Variants in SDK1 observed in about 807,000 individuals in gnomAD.
SDK1 encodes the protein sidekick cell adhesion molecule 1.
A neutral mutation model predicts 245.5 loss-of-function variants in SDK1; 157 were observed. The observed-to-expected ratio is 0.64, with a 90% CI of 0.56 to 0.73. The LOEUF (loss-of-function observed/expected upper bound fraction) is 0.73. Among genes scored for constraint, SDK1 ranks in the 30% least tolerant of loss-of-function variants. The pLI, the probability that SDK1 is intolerant of heterozygous loss-of-function variation, is 0.00. For missense variants in SDK1, 3,583 were observed against 3,002.3 expected (o/e 1.19, Z -4.52); for synonymous variants, 1,647 against 1,278.5 (o/e 1.29, Z -6.15).
At chr7:4,171,581 G>T (rs546597595) in intron 32 of SDK1, among the ~76,000 whole-genome samples, 3 of 152,212 alleles carry the variant, frequency 2.0e-5, no homozygotes, top group African/African-American at 7.2e-5. Context: ...CTCCAGCCCC[G>T]TGAAGGCGGC....
At chr7:3,607,039 C>T (rs997579176) in intron 1 of SDK1, among the ~76,000 whole-genome samples, 1 of 152,132 alleles carries the variant, frequency 6.6e-6, no homozygotes. Context: ...GAAAGGGCTT[C>T]CAAGATGCAC....
chr7:4,191,205 C>T (rs1722448833), intron 35 of SDK1, among the ~76,000 whole-genome samples: 3 of 152,082 alleles, frequency 2.0e-5, no homozygotes, highest in Admixed American at 1.3e-4. Context: ...GGCCCTCCCC[C>T]GCCGCAGTCA....
chr7:3,778,473 T>G (rs1186090065), intron 4 of SDK1, among the ~76,000 whole-genome samples: 1 of 152,238 alleles, frequency 6.6e-6, no homozygotes, highest in Non-Finnish European at 1.5e-5. Flanking sequence ...TTCTATCTTT[T>G]TACATCTGGC....
chr7:3,594,885 A>T (rs1781002621), intron 1 of SDK1, among the ~76,000 whole-genome samples: 1 of 152,246 alleles, frequency 6.6e-6, no homozygotes, highest in Non-Finnish European at 1.5e-5. Flanking sequence ...TCTCATTAAA[A>T]GAAAATGTTA....
chr7:3,500,270 T>C (rs1395328673), intron 1 of SDK1, among the ~76,000 whole-genome samples: 1 of 152,204 alleles, frequency 6.6e-6, no homozygotes, highest in East Asian at 1.9e-4. Context: ...CTTTCTTATA[T>C]CCCCTATTTT....
At chr7:3,544,902 A>T (rs908629161) in intron 1 of SDK1, among the ~76,000 whole-genome samples, 1 of 152,182 alleles carries the variant, frequency 6.6e-6, no homozygotes, top group Admixed American at 6.5e-5. Flanking sequence ...GATGCTGCTG[A>T]TAGCTGTCAG....
intron 2 of SDK1, among the ~76,000 whole-genome samples, chr7:3,636,870 C>T (rs1197990866): frequency 6.6e-6 from 1 of 152,140 alleles, no homozygotes; most frequent in Non-Finnish European, 1.5e-5. Flanking sequence ...TCGATAGTAG[C>T]CATCCTAACA....
At chr7:3,677,186 G>T (rs991960930) in intron 4 of SDK1, among the ~76,000 whole-genome samples, 3 of 152,124 alleles carry the variant, frequency 2.0e-5, no homozygotes, top group South Asian at 2.1e-4. Context: ...TCTGCTCTGT[G>T]TGCGAAGGGG....
At chr7:4,106,729 C>T (rs778421363) in intron 22 of SDK1, among the ~76,000 whole-genome samples, 1 of 152,148 alleles carries the variant, frequency 6.6e-6, no homozygotes, top group Non-Finnish European at 1.5e-5. Context: ...GCTCTCTCAA[C>T]GCGGCGCGTG....
chr7:3,672,762 TATATA>T (rs1783749539), intron 4 of SDK1, among the ~76,000 whole-genome samples: 1 of 57,644 alleles, frequency 1.7e-5, no homozygotes, highest in African/African-American at 7.1e-5. Flanking sequence ...TATAATTTTA[TATATA>T]TATATATATA....
intron 1 of SDK1, among the ~76,000 whole-genome samples, chr7:3,316,078 TG>T (rs1333762728): frequency 6.6e-6 from 1 of 152,166 alleles, no homozygotes; most frequent in Non-Finnish European, 1.5e-5. Flanking sequence ...TTCAAGTTAA[TG>T]GTAGATGGTA....
intron 25 of SDK1, among the ~76,000 whole-genome samples, chr7:4,125,388 G>GTGGA (rs1784327360): frequency 6.7e-6 from 1 of 148,500 alleles, no homozygotes; most frequent in Non-Finnish European, 1.5e-5. Context: ...TGATGGGTGG[G>GTGGA]TGGATGGATG....
At chr7:3,712,645 G>T (rs1269916861) in intron 4 of SDK1, among the ~76,000 whole-genome samples, 1 of 152,144 alleles carries the variant, frequency 6.6e-6, no homozygotes, top group Non-Finnish European at 1.5e-5. Flanking sequence ...AAGATGGATA[G>T]GACATTTCAC....
intron 5 of SDK1, among the ~76,000 whole-genome samples, chr7:3,823,155 C>T (rs1190131763): frequency 6.6e-6 from 1 of 152,076 alleles, no homozygotes; most frequent in African/African-American, 2.4e-5. Flanking sequence ...GGAGTGTCTG[C>T]ATTGAGAATT....
chr7:3,673,969 T>C (rs531413368), intron 4 of SDK1, among the ~76,000 whole-genome samples: 1 of 152,222 alleles, frequency 6.6e-6, no homozygotes, highest in Admixed American at 6.5e-5. Context: ...AAGAGATAAT[T>C]TCTAATAACT....
chr7:3,442,119 C>T (rs1176337152), intron 1 of SDK1, among the ~76,000 whole-genome samples: 1 of 152,132 alleles, frequency 6.6e-6, no homozygotes, highest in Admixed American at 6.5e-5. Flanking sequence ...GCCAGAGGTT[C>T]AGGAATATCC....
chr7:3,999,125 AACAC>A lies in SDK1; in HGVS notation c.2131+11816_2131+11819del, dbSNP rs140564397. On this transcript the variant is annotated intron_variant, in intron 14 of 44. Coordinates refer to ENST00000404826, the MANE Select transcript of SDK1 (RefSeq NM_152744.4). ...TAAAAATAGGAGATATCTCTCCCCA[AACAC>A]ACACACACACACGCACACACACATG... 2.3e-3 allele frequency among the ~76,000 whole-genome samples: 345 copies of A among 151,280 alleles called. 2 individuals are homozygous for A. Among genetic ancestry groups the A allele is most frequent in the African/African-American group, 7.9e-3 (327 of 41,280 alleles).
intron 4 of SDK1, among the ~76,000 whole-genome samples, chr7:3,687,710 G>T (rs1784330364): frequency 6.6e-6 from 1 of 152,166 alleles, no homozygotes; most frequent in South Asian, 2.1e-4. Context: ...GTCTACACGG[G>T]TCAGCAAAGC....
At chr7:3,886,227 C>G (rs975786527) in intron 5 of SDK1, among the ~76,000 whole-genome samples, 1 of 152,108 alleles carries the variant, frequency 6.6e-6, no homozygotes, top group Non-Finnish European at 1.5e-5. Flanking sequence ...TGCTGCACAT[C>G]GGGGATTCTA....
Sources: allele counts gnomAD v4.1 joint callset (sites outside exome capture counted in the v4.1 genomes callset), GRCh38; gene constraint gnomAD v4.1.1; transcripts MANE v1.5; gene names NCBI Gene and HGNC (gene_info 2026-07-23, HGNC 2026-07-21).